Variants in SGCD observed in about 807,000 individuals in gnomAD.
SGCD encodes the protein delta-sarcoglycan.
Under a neutral mutation model 36.6 loss-of-function variants are expected in SGCD, and 18 were observed. That is an observed-to-expected ratio of 0.49 (90% CI 0.34 to 0.73). SGCD has a LOEUF of 0.73. SGCD is among the 30% of genes least tolerant of loss of function. The pLI is 0.01. For missense variants in SGCD, 387 were observed against 346.7 expected (o/e 1.12, Z -0.92); for synonymous variants, 133 against 130.6 (o/e 1.02, Z -0.12).
intron 7 of SGCD, among the ~76,000 whole-genome samples, chr5:156,700,302 C>A (rs923469894): frequency 6.6e-6 from 1 of 152,162 alleles, no homozygotes; most frequent in Non-Finnish European, 1.5e-5. Flanking sequence ...TACTGCATAC[C>A]TCTCCTTTCT....
At chr5:156,165,167 A>G (rs75044054) in intron 3 of SGCD, among the ~76,000 whole-genome samples, 2,358 of 152,296 alleles carry the variant, frequency 0.015, 35 homozygotes, top group Non-Finnish European at 0.024. Flanking sequence ...GGGCTCTGTG[A>G]AGCCATACTT....
chr5:156,645,712 G>C (rs1192357824), intron 6 of SGCD, among the ~76,000 whole-genome samples: 7 of 152,100 alleles, frequency 4.6e-5, no homozygotes, highest in Non-Finnish European at 8.8e-5. Context: ...GTGACCATAG[G>C]AAAAATTTCC....
At chr5:156,121,322 T>A (rs546932783) in intron 2 of SGCD, among the ~76,000 whole-genome samples, 185 of 152,328 alleles carry the variant, frequency 1.2e-3, no homozygotes, top group Non-Finnish European at 2.3e-3. Context: ...ACTTCATTTC[T>A]TTTGCATAAA....
intron 3 of SGCD, among the ~76,000 whole-genome samples, chr5:156,269,090 A>G (rs935517350): frequency 2.6e-5 from 4 of 152,152 alleles, no homozygotes; most frequent in Non-Finnish European, 5.9e-5. Context: ...CCTCAGCATC[A>G]TGTCGGGAGG....
chr5:156,632,502 T>C (rs1050727702), intron 6 of SGCD, among the ~76,000 whole-genome samples: 3 of 152,198 alleles, frequency 2.0e-5, no homozygotes, highest in African/African-American at 7.2e-5. Flanking sequence ...AAGGCTTGCA[T>C]TGGTCAGTGA....
chr5:155,774,137 C>T, the SGCD span, among the ~76,000 whole-genome samples: 3 of 152,082 alleles, frequency 2.0e-5, no homozygotes, highest in African/African-American at 7.2e-5. Flanking sequence ...TATTCGAATT[C>T]CACAATGCTG....
At chr5:156,138,559 T>C (rs913580150) in intron 3 of SGCD, among the ~76,000 whole-genome samples, 1 of 152,266 alleles carries the variant, frequency 6.6e-6, no homozygotes, top group Admixed American at 6.5e-5. Flanking sequence ...ACCAGCATCA[T>C]TCAATTAATA....
At chr5:156,018,322 T>G (rs1759029109) in intron 1 of SGCD, among the ~76,000 whole-genome samples, 1 of 152,240 alleles carries the variant, frequency 6.6e-6, no homozygotes. Context: ...CTAGTGTCTG[T>G]TAAAATTAAG....
At chr5:156,056,725 C>G (rs1479114112) in intron 1 of SGCD, among the ~76,000 whole-genome samples, 1 of 143,608 alleles carries the variant, frequency 7.0e-6, no homozygotes, top group Admixed American at 7.0e-5. Flanking sequence ...TCCCATTTAG[C>G]CAGCTGAGCG....
Position 156,255,409 on chromosome 5 carries a change from G to A in SGCD, c.-43-74125G>A, listed in dbSNP as rs79725175. On this transcript the variant is annotated intron_variant, in intron 3 of 9. Coordinates refer to the SGCD transcript ENST00000517913. ...TTTCTTTCTTATAATGTTTATCTGG[G>A]TTTGGTGTCTGCTTTGCCCTGACCT... Among the ~76,000 whole-genome samples the A allele has an allele frequency of 5.6e-3, 859 of 152,182 alleles. 7 individuals carry two copies. Among genetic ancestry groups the A allele is most frequent in the African/African-American group, 0.018 (767 of 41,510 alleles).
At chr5:156,141,319 G>C (rs1581124800) in intron 3 of SGCD, among the ~76,000 whole-genome samples, 1 of 152,144 alleles carries the variant, frequency 6.6e-6, no homozygotes, top group South Asian at 2.1e-4. Flanking sequence ...ATGTCTAGTA[G>C]AGCCATGGGA....
At chr5:156,564,182 G>C (rs2113257107) in intron 4 of SGCD, among the ~76,000 whole-genome samples, 1 of 152,244 alleles carries the variant, frequency 6.6e-6, no homozygotes, top group South Asian at 2.1e-4. Flanking sequence ...AGGCGCAGTG[G>C]CTCATGCCTG....
chr5:156,229,511 G>A (rs960759683), intron 3 of SGCD, among the ~76,000 whole-genome samples: 1 of 151,518 alleles, frequency 6.6e-6, no homozygotes, highest in African/African-American at 2.4e-5. Context: ...CTTCCATCTT[G>A]TAGGGTTTCT....
rs560892865 is a variant in SGCD, at chr5:156,075,667, T to C, written c.-281-42211T>C. On this transcript the variant is annotated intron_variant, in intron 1 of 9. Coordinates refer to the SGCD transcript ENST00000517913. ...TGGGTAGAAAGAAACATAGTAATTA[T>C]GGAAGACTTAAGAGTCCTTTGTAAT... Among the ~76,000 whole-genome samples, 36 of 152,322 alleles carry C rather than the reference T, an allele frequency of 2.4e-4. No individual in the cohort carries two copies. The South Asian group carries it at 6.6e-3, about 28-fold the overall frequency.
chr5:156,141,442 C>T (rs192892270), intron 3 of SGCD, among the ~76,000 whole-genome samples: 82 of 152,342 alleles, frequency 5.4e-4, no homozygotes, highest in African/African-American at 1.8e-3. Context: ...GTGGGCTGCT[C>T]ACAGCAAAGC....
intron 4 of SGCD, among the ~76,000 whole-genome samples, chr5:156,581,372 G>A (rs1156802672): frequency 6.6e-6 from 1 of 152,174 alleles, no homozygotes; most frequent in African/African-American, 2.4e-5. Flanking sequence ...GCTACATGGG[G>A]TTCAGGGGCC....
chr5:155,804,134 A>G, the SGCD span, among the ~76,000 whole-genome samples: 2 of 152,240 alleles, frequency 1.3e-5, no homozygotes, highest in East Asian at 1.9e-4. Flanking sequence ...CTCACATCCT[A>G]AAGATTTTAT....
At chr5:156,718,393 C>T (rs984847889) in intron 7 of SGCD, among the ~76,000 whole-genome samples, 1 of 152,124 alleles carries the variant, frequency 6.6e-6, no homozygotes, top group African/African-American at 2.4e-5. Flanking sequence ...GTTCAAAGTA[C>T]AAGTCCCTCA....
intron 7 of SGCD, among the ~76,000 whole-genome samples, chr5:156,750,286 T>G (rs141604336): frequency 2.6e-5 from 4 of 152,210 alleles, no homozygotes; most frequent in African/African-American, 9.6e-5. Context: ...GTTGAAAAAT[T>G]TCCTCTTTAA....
Sources: allele counts gnomAD v4.1 joint callset (sites outside exome capture counted in the v4.1 genomes callset), GRCh38; gene constraint gnomAD v4.1.1; transcripts MANE v1.5; gene names NCBI Gene and HGNC (gene_info 2026-07-23, HGNC 2026-07-21).